DRC4: variants seen among roughly 807,000 people sequenced by gnomAD.
The protein encoded by DRC4 is dynein regulatory complex subunit 4.
chr16:90,036,036 C>G, the DRC4 span, among the ~76,000 whole-genome samples: 1 of 152,246 alleles, frequency 6.6e-6, no homozygotes, highest in East Asian at 1.9e-4. Flanking sequence ...TCAGAAGTCT[C>G]TGTGTTTTAC....
the DRC4 span, chr16:90,032,751 G>A: frequency 9.0e-5 from 146 of 1,613,810 alleles, no homozygotes; most frequent in Non-Finnish European, 1.2e-4. Context: ...CCTGCTATAT[G>A]AGCACCAGAA....
At chr16:90,034,732 T>C in the DRC4 span, among the ~76,000 whole-genome samples, 1 of 151,662 alleles carries the variant, frequency 6.6e-6, no homozygotes, top group African/African-American at 2.4e-5. Flanking sequence ...TATATATTTA[T>C]TTATTTTTAG....
chr16:90,036,060 T>C, the DRC4 span: 3 of 724,956 alleles, frequency 4.1e-6, no homozygotes, highest in Admixed American at 1.0e-4. Flanking sequence ...TAAAGGCTGA[T>C]TGTGGCTGGG....
the DRC4 span, chr16:90,032,682 TGCA>T: frequency 6.2e-7 from 1 of 1,601,570 alleles, no homozygotes; most frequent in African/African-American, 1.3e-5. Flanking sequence ...GGAGGTGTGG[TGCA>T]GGTGAGCAGA....
the DRC4 span, chr16:90,044,626 G>T: frequency 1.8e-4 from 87 of 471,128 alleles, no homozygotes; most frequent in East Asian, 2.2e-3. Flanking sequence ...CTGTGTAGCT[G>T]GGGAGAGGAT....
At chr16:90,027,243 G>A in the DRC4 span, among the ~76,000 whole-genome samples, 1 of 151,962 alleles carries the variant, frequency 6.6e-6, no homozygotes, top group African/African-American at 2.4e-5. Flanking sequence ...CCACCGGCAC[G>A]CCCGGCTAAT....
chr16:90,043,248 T>C, the DRC4 span: 1 of 1,613,594 alleles, frequency 6.2e-7, no homozygotes, highest in Non-Finnish European at 8.5e-7. Context: ...GCCTTCGGGA[T>C]CCCTCTGGAC....
chr16:90,038,085 CA>C, the DRC4 span, among the ~76,000 whole-genome samples: 1 of 152,206 alleles, frequency 6.6e-6, no homozygotes, highest in Non-Finnish European at 1.5e-5. Flanking sequence ...TTCTAAGAGG[CA>C]AAAACCTGTG....
chr16:90,042,259 T>G, the DRC4 span: 1 of 609,604 alleles, frequency 1.6e-6, no homozygotes. Context: ...GAGAGGCAGG[T>G]TGTGCAAGCT....
chr16:90,039,534 T>C, the DRC4 span, among the ~76,000 whole-genome samples: 1 of 151,802 alleles, frequency 6.6e-6, no homozygotes, highest in Non-Finnish European at 1.5e-5. Flanking sequence ...TACAGGCGCC[T>C]GCCACCACGC....
At chr16:90,040,611 G>A in the DRC4 span, 5 of 1,089,998 alleles carry the variant, frequency 4.6e-6, no homozygotes, top group South Asian at 5.8e-5. Context: ...AGACCCCTCG[G>A]TCGGCCACTG....
At chr16:90,040,197 G>T in the DRC4 span, 2 of 1,117,252 alleles carry the variant, frequency 1.8e-6, no homozygotes, top group Non-Finnish European at 2.6e-6. Flanking sequence ...CTGTTGGGAG[G>T]CAGCGTGTTC....
At chr16:90,021,840 A>G in the DRC4 span, among the ~76,000 whole-genome samples, 1 of 135,894 alleles carries the variant, frequency 7.4e-6, no homozygotes, top group African/African-American at 2.7e-5. Context: ...TAGGCGACAG[A>G]AGGAGACCCT....
the DRC4 span, chr16:90,042,617 C>CT: frequency 8.8e-7 from 1 of 1,137,698 alleles, no homozygotes; most frequent in Admixed American, 1.8e-5. Context: ...CTGAGGACCC[C>CT]ACCTGTGCCC....
the DRC4 span, among the ~76,000 whole-genome samples, chr16:90,041,821 A>C: frequency 2.0e-5 from 3 of 152,256 alleles, no homozygotes; most frequent in East Asian, 5.8e-4. Context: ...GAGATAGTAC[A>C]TTCACAAGCC....
At chr16:90,022,910 C>T in the DRC4 span, among the ~76,000 whole-genome samples, 232 of 152,276 alleles carry the variant, frequency 1.5e-3, 2 homozygotes, top group Non-Finnish European at 2.2e-3. Context: ...GGCCCCGGGG[C>T]CTGGCAGCAC....
At chr16:90,026,100 G>A in the DRC4 span, among the ~76,000 whole-genome samples, 1 of 151,966 alleles carries the variant, frequency 6.6e-6, no homozygotes, top group African/African-American at 2.4e-5. Context: ...CAGCTTGGGC[G>A]ACAGAGCAAG....
the DRC4 span, among the ~76,000 whole-genome samples, chr16:90,025,505 C>A: frequency 2.0e-5 from 3 of 150,732 alleles, no homozygotes; most frequent in South Asian, 6.3e-4. Flanking sequence ...AAAAAATTAG[C>A]CGGACGTGGT....
chr16:90,026,993 G>C, the DRC4 span, among the ~76,000 whole-genome samples: 3 of 151,294 alleles, frequency 2.0e-5, no homozygotes, highest in Non-Finnish European at 4.4e-5. Context: ...GCTCACTGCA[G>C]CCTCTGCCTC....
Sources: gnomAD v4.1 joint callset for allele counts (sites outside exome capture counted in the v4.1 genomes callset) on GRCh38, gnomAD v4.1.1 for gene constraint, MANE v1.5 for transcripts, NCBI Gene and HGNC (gene_info 2026-07-23, HGNC 2026-07-21) for gene names.